The following PTPRD variants were observed in gnomAD, a reference collection of about 807,000 sequenced individuals.
The protein encoded by PTPRD is receptor-type tyrosine-protein phosphatase delta.
Under a neutral mutation model 214.5 loss-of-function variants are expected in PTPRD, and 34 were observed. The ratio of observed to expected loss-of-function variants is 0.16; its 90% CI spans 0.12 to 0.21. PTPRD has a LOEUF of 0.21. PTPRD is among the 10% of genes least tolerant of loss of function. The pLI is 1.00. For synonymous variants in PTPRD, 1,128 were observed against 845.7 expected, an observed-to-expected ratio of 1.33 and a Z score of -5.79; for missense variants, 2,545 against 2,398.7, an observed-to-expected ratio of 1.06 and a Z score of -1.27.
intron 9 of PTPRD, among the ~76,000 whole-genome samples, chr9:9,304,828 C>T (rs1569567212): frequency 6.6e-6 from 1 of 151,022 alleles, no homozygotes; most frequent in Non-Finnish European, 1.5e-5. Flanking sequence ...TGTTTAATCT[C>T]CACCCTCCAA....
chr9:10,320,388 T>C (rs560578517), intron 3 of PTPRD, among the ~76,000 whole-genome samples: 1 of 152,074 alleles, frequency 6.6e-6, no homozygotes. Context: ...TATGGATTGA[T>C]AATTTAGCAA....
rs5896280 is a variant in PTPRD at position 8,919,391 on chromosome 9, C to CAAA, written c.-104+99303_-104+99305dup. On this transcript the variant is annotated intron_variant, in intron 11 of 45. Transcript: ENST00000381196. ...TGTGGGACAGAGTGAGACCCTGTCT[C>CAAA]AAAAAAAAAAAAAAAAATTCAACCA... 2.7e-3 allele frequency among the ~76,000 whole-genome samples: 366 copies of CAAA among 133,956 alleles called. 3 individuals are homozygous for CAAA. Among genetic ancestry groups the CAAA allele is most frequent in the Admixed American group, 7.3e-3 (97 of 13,234 alleles). The allele number at this position is 133,956 out of a possible 152,430, so 87.9% of individuals were successfully genotyped here.
intron 11 of PTPRD, among the ~76,000 whole-genome samples, chr9:8,776,771 T>A (rs755620940): frequency 2.0e-5 from 3 of 148,354 alleles, no homozygotes; most frequent in Non-Finnish European, 4.5e-5. Flanking sequence ...TTTGAAGTCC[T>A]ACCCTTTAAA....
At chr9:9,667,968 T>C (rs1340403574) in intron 7 of PTPRD, among the ~76,000 whole-genome samples, 2 of 152,146 alleles carry the variant, frequency 1.3e-5, no homozygotes, top group African/African-American at 4.8e-5. Flanking sequence ...GCAAAGATTA[T>C]TGGAACAACC....
chr9:8,881,795 G>A lies in PTPRD; in HGVS notation c.-104+136902C>T, dbSNP rs557643323. On this transcript the variant is annotated intron_variant, in intron 11 of 45. Transcript: ENST00000381196. ...AGATCTAAAAACTCATCCAGCCATA[G>A]TTTTCTCTGTAGCAGTTTTGTCATT... 2.2e-4 allele frequency among the ~76,000 whole-genome samples: 33 copies of A among 152,324 alleles called. 1 individual carries two copies. The highest frequency in any genetic ancestry group is 4.4e-4 in the Non-Finnish European group (30 of 68,028).
chr9:8,868,939 C>T (rs2098246701), intron 11 of PTPRD, among the ~76,000 whole-genome samples: 1 of 152,110 alleles, frequency 6.6e-6, no homozygotes, highest in African/African-American at 2.4e-5. Flanking sequence ...CCCTTTTTAT[C>T]CAAATACAAT....
chr9:9,547,022 G>A (rs546531946), intron 8 of PTPRD, among the ~76,000 whole-genome samples: 32 of 151,722 alleles, frequency 2.1e-4, no homozygotes, highest in Non-Finnish European at 3.8e-4. Context: ...ACCTAATAGA[G>A]CAGGGGAAGA....
intron 11 of PTPRD, among the ~76,000 whole-genome samples, chr9:8,905,690 A>C (rs990465756): frequency 6.6e-6 from 1 of 151,216 alleles, no homozygotes; most frequent in Non-Finnish European, 1.5e-5. Context: ...AGTGAGCCGG[A>C]ATCACGCCAC....
intron 15 of PTPRD, 43 bp downstream of exon 15, chr9:8,528,548 A>C (rs754613369): frequency 6.5e-7 from 1 of 1,538,284 alleles, no homozygotes; most frequent in African/African-American, 1.4e-5. Context: ...AATTAAAAAA[A>C]AAAATTCTCT....
chr9:10,509,482 TATC>T (rs1449050823), intron 2 of PTPRD, among the ~76,000 whole-genome samples: 4,516 of 147,692 alleles, frequency 0.031, 206 homozygotes, highest in African/African-American at 0.1. Context: ...TCTATCTATC[TATC>T]TATCTATCTA....
At chr9:9,737,195 C>T (rs1408124) in intron 6 of PTPRD, among the ~76,000 whole-genome samples, 33,363 of 151,814 alleles carry the variant, frequency 0.22, 4,549 homozygotes, top group Non-Finnish European at 0.29. Flanking sequence ...AATTCAGTAC[C>T]CATGGGTGCT....
At chr9:9,880,267 G>A (rs928089410) in intron 5 of PTPRD, among the ~76,000 whole-genome samples, 1 of 152,100 alleles carries the variant, frequency 6.6e-6, no homozygotes, top group African/African-American at 2.4e-5. Context: ...ATGTGGAACT[G>A]TGAGTCAATT....
chr9:9,826,561 T>G (rs2052926114), intron 5 of PTPRD, among the ~76,000 whole-genome samples: 1 of 151,998 alleles, frequency 6.6e-6, no homozygotes, highest in South Asian at 2.1e-4. Context: ...AAATAGCCAT[T>G]ATTGATTATA....
intron 9 of PTPRD, among the ~76,000 whole-genome samples, chr9:9,201,894 G>A (rs1374828639): frequency 6.6e-6 from 1 of 152,206 alleles, no homozygotes; most frequent in Non-Finnish European, 1.5e-5. Context: ...ACAGCAAAAA[G>A]CCCATAGTGA....
intron 2 of PTPRD, among the ~76,000 whole-genome samples, chr9:10,499,786 T>A (rs538903785): frequency 6.6e-6 from 1 of 152,022 alleles, no homozygotes; most frequent in Non-Finnish European, 1.5e-5. Flanking sequence ...ATTTTTCCAC[T>A]ATCCAAAAAC....
At chr9:8,518,698 C>G (rs530341957) in intron 20 of PTPRD, among the ~76,000 whole-genome samples, 1 of 152,136 alleles carries the variant, frequency 6.6e-6, no homozygotes. Context: ...TGATCCTGCA[C>G]GCATTTCTTA....
At chr9:8,816,049 C>G (rs1221923375) in intron 11 of PTPRD, among the ~76,000 whole-genome samples, 3 of 152,140 alleles carry the variant, frequency 2.0e-5, no homozygotes, top group African/African-American at 7.2e-5. Flanking sequence ...TACAGCAATT[C>G]CAGAATACCA....
chr9:9,651,466 C>T (rs1304168723), intron 7 of PTPRD, among the ~76,000 whole-genome samples: 3 of 152,102 alleles, frequency 2.0e-5, no homozygotes, highest in Non-Finnish European at 4.4e-5. Flanking sequence ...CATCATTTGG[C>T]TCCCACTTGC....
chr9:10,132,649 T>C (rs542971996), intron 3 of PTPRD, among the ~76,000 whole-genome samples: 2 of 152,306 alleles, frequency 1.3e-5, no homozygotes, highest in South Asian at 4.1e-4. Flanking sequence ...AATTTGTTGG[T>C]TGACTCCAGA....
Sources: allele counts gnomAD v4.1 joint callset (sites outside exome capture counted in the v4.1 genomes callset), GRCh38; gene constraint gnomAD v4.1.1; transcripts MANE v1.5; gene names NCBI Gene and HGNC (gene_info 2026-07-23, HGNC 2026-07-21).